AHCYL2: variants seen among roughly 807,000 people sequenced by gnomAD.
AHCYL2 encodes adenosylhomocysteinase like 2, also known as S-adenosylhomocysteine hydrolase-like protein 2.
A neutral mutation model predicts 81.4 loss-of-function variants in AHCYL2; 28 were observed. The ratio of observed to expected loss-of-function variants is 0.34; its 90% CI spans 0.25 to 0.47. The LOEUF (loss-of-function observed/expected upper bound fraction) is 0.47. Among genes scored for constraint, AHCYL2 ranks in the 20% least tolerant of loss-of-function variants. AHCYL2 has a pLI of 1.00. For synonymous variants in AHCYL2, 272 were observed against 290.2 expected (o/e 0.94, Z 0.64); for missense variants, 551 against 785.1 (o/e 0.70, Z 3.56).
At chr7:129,257,116 G>A (rs1421155320) in intron 1 of AHCYL2, among the ~76,000 whole-genome samples, 1 of 152,086 alleles carries the variant, frequency 6.6e-6, no homozygotes, top group African/African-American at 2.4e-5. Flanking sequence ...AAGGGATGAA[G>A]CTGTTCCTCC....
chr7:129,361,608 C>A (rs1271211074), intron 1 of AHCYL2, among the ~76,000 whole-genome samples: 2 of 152,046 alleles, frequency 1.3e-5, no homozygotes, highest in Non-Finnish European at 2.9e-5. Context: ...TAATTATTAA[C>A]AATAATAGTT....
chr7:129,394,229 T>C (rs1795604391), intron 4 of AHCYL2, among the ~76,000 whole-genome samples: 1 of 152,126 alleles, frequency 6.6e-6, no homozygotes, highest in Admixed American at 6.5e-5. Context: ...CAGGCTGGTC[T>C]CAAACTCCTG....
intron 1 of AHCYL2, among the ~76,000 whole-genome samples, chr7:129,277,007 A>G (rs1209619572): frequency 1.3e-5 from 2 of 152,178 alleles, no homozygotes; most frequent in African/African-American, 4.8e-5. Flanking sequence ...AAAAATATAT[A>G]TAACTTACCA....
At chr7:129,254,436 AC>A (rs1201019081) in intron 1 of AHCYL2, among the ~76,000 whole-genome samples, 20 of 152,324 alleles carry the variant, frequency 1.3e-4, no homozygotes, top group African/African-American at 4.3e-4. Context: ...AAAGCAGGTG[AC>A]TTCTTAGTAC....
chr7:129,392,546 G>A (rs1366569638), intron 4 of AHCYL2, among the ~76,000 whole-genome samples: 1 of 152,112 alleles, frequency 6.6e-6, no homozygotes, highest in African/African-American at 2.4e-5. Flanking sequence ...TAATACCATC[G>A]CCTAGGGGGT....
intron 1 of AHCYL2, among the ~76,000 whole-genome samples, chr7:129,234,725 G>A (rs183593957): frequency 4.6e-5 from 7 of 151,848 alleles, no homozygotes; most frequent in South Asian, 4.1e-4. Flanking sequence ...CGAATTCCTC[G>A]CTTCAAGCAG....
At chr7:129,422,297 C>G (rs928689567) in intron 12 of AHCYL2, among the ~76,000 whole-genome samples, 1 of 152,174 alleles carries the variant, frequency 6.6e-6, no homozygotes, top group Non-Finnish European at 1.5e-5. Flanking sequence ...AAAGGTGGAA[C>G]CTGGGACCTT....
intron 1 of AHCYL2, among the ~76,000 whole-genome samples, chr7:129,365,896 G>A (rs1240890789): frequency 2.0e-5 from 3 of 151,928 alleles, no homozygotes; most frequent in Non-Finnish European, 4.4e-5. Context: ...AGGGGGGCGG[G>A]AAAGGAAAGA....
chr7:129,243,457 A>G (rs1341467074), intron 1 of AHCYL2, among the ~76,000 whole-genome samples: 2 of 152,166 alleles, frequency 1.3e-5, no homozygotes, highest in Non-Finnish European at 2.9e-5. Flanking sequence ...TTTTAAAATC[A>G]TTTGTCCTTT....
At chr7:129,417,695 C>T (rs1228944379) in intron 12 of AHCYL2, among the ~76,000 whole-genome samples, 2 of 152,196 alleles carry the variant, frequency 1.3e-5, no homozygotes, top group Non-Finnish European at 2.9e-5. Flanking sequence ...GATAGTGTCA[C>T]AGGGCATGTA....
intron 6 of AHCYL2, among the ~76,000 whole-genome samples, chr7:129,402,917 C>G (rs1298098914): frequency 7.3e-6 from 1 of 136,366 alleles, no homozygotes; most frequent in African/African-American, 2.4e-5. Flanking sequence ...ATTATCTGAC[C>G]ATTTATTGAT....
At chr7:129,233,909 A>G (rs1476085382) in intron 1 of AHCYL2, among the ~76,000 whole-genome samples, 1 of 152,068 alleles carries the variant, frequency 6.6e-6, no homozygotes, top group Non-Finnish European at 1.5e-5. Context: ...CTACAAACCT[A>G]TGTGCATCTG....
Position 129,400,390 on chromosome 7 carries a change from T to C in AHCYL2, c.918+6T>C. On this transcript the variant is annotated splice_donor_region_variant and intron_variant, in intron 6 of 16. Transcript: ENST00000325006. ...AGGGCTGGCAGCCAAACATGGTGGG[T>C]CAGATTTCTGCTAACACAATTCTGT... 6.2e-7 allele frequency: 1 copy of C among 1,612,488 alleles called. No homozygotes were observed. The highest frequency in any genetic ancestry group is 8.5e-7 in the Non-Finnish European group (1 of 1,178,928).
chr7:129,284,599 C>CAAAAAAA (rs1232402820), intron 1 of AHCYL2, among the ~76,000 whole-genome samples: 1 of 53,344 alleles, frequency 1.9e-5, no homozygotes, highest in South Asian at 7.1e-4. Flanking sequence ...GACTTCGTCT[C>CAAAAAAA]AAAAAAAAAA....
At position 129,389,087 on chromosome 7, in the gene AHCYL2, G is replaced by C. The variant is rs1408361112; in HGVS notation, c.507G>C (p.Glu169Asp). The C allele has an allele frequency of 6.2e-7, 1 of 1,613,738 alleles. No individual in the cohort carries two copies. The highest frequency in any genetic ancestry group is 1.7e-5 in the Admixed American group (1 of 59,974). Reference protein sequence around the residue: ...AASYTDSSDDETSPRDKQQKN... With the variant: ...AASYTDSSDDDTSPRDKQQKN... Reference sequence around the variant, plus strand: ...CATATACAGATAGCTCTGATGATGAGACATCGCCCAGGGACAAGCAGCAAA... The same window carrying C: ...CATATACAGATAGCTCTGATGATGACACATCGCCCAGGGACAAGCAGCAAA... The change falls in exon 3 of 17, where the codon GAG becomes GAC. Residue 169 changes from glutamate to aspartate, a missense_variant. This residue lies in a region of AHCYL2 where 316 missense variants were observed against 543.1 expected (regional missense o/e 0.58). Coordinates refer to ENST00000325006, the MANE Select transcript of AHCYL2 (RefSeq NM_015328.4).
chr7:129,272,909 TTTA>T (rs35382981), intron 1 of AHCYL2, among the ~76,000 whole-genome samples: 3 of 151,954 alleles, frequency 2.0e-5, no homozygotes, highest in South Asian at 4.2e-4. Context: ...TGACTTTTAT[TTTA>T]TTATTATTAT....
chr7:129,347,044 A>G (rs569890196), intron 1 of AHCYL2, among the ~76,000 whole-genome samples: 1 of 152,340 alleles, frequency 6.6e-6, no homozygotes, highest in Non-Finnish European at 1.5e-5. Context: ...TGAAAAGGCT[A>G]CATACTGTAT....
At chr7:129,398,585 G>A (rs1200169708) in intron 5 of AHCYL2, among the ~76,000 whole-genome samples, 2 of 148,220 alleles carry the variant, frequency 1.3e-5, no homozygotes, top group Admixed American at 1.3e-4. Flanking sequence ...CACCATGTTA[G>A]TCAGGCTGGT....
intron 1 of AHCYL2, among the ~76,000 whole-genome samples, chr7:129,331,265 T>A (rs1798408855): frequency 6.6e-6 from 1 of 152,156 alleles, no homozygotes; most frequent in African/African-American, 2.4e-5. Flanking sequence ...ACTTTGGCAA[T>A]AGAGAACATG....
Sources: allele counts gnomAD v4.1 joint callset (sites outside exome capture counted in the v4.1 genomes callset), GRCh38; gene constraint gnomAD v4.1.1; regional missense constraint gnomAD v4.1.1; transcripts MANE v1.5; gene names NCBI Gene and HGNC (gene_info 2026-07-23, HGNC 2026-07-21).